AKT1S1: variants seen among roughly 807,000 people sequenced by gnomAD.
The protein encoded by AKT1S1 is AKT1 substrate 1, also known as proline-rich AKT1 substrate 1.
AKT1S1 carries 17 observed loss-of-function variants against 21.2 expected under a neutral mutation model. That is an observed-to-expected ratio of 0.80 (90% confidence interval 0.55 to 1.20). AKT1S1 has a LOEUF of 1.20. Among genes scored for constraint, AKT1S1 ranks in the 50% most tolerant of loss-of-function variants. The pLI is 0.00. For missense variants in AKT1S1, 366 were observed against 368.3 expected (o/e 0.99, Z 0.05); for synonymous variants, 181 against 165.6 (o/e 1.09, Z -0.72).
upstream of AKT1S1, chr19:49,878,013 T>C (rs946591021): frequency 1.2e-6 from 1 of 811,802 alleles, no homozygotes; most frequent in African/African-American, 1.8e-5. Flanking sequence ...TCTCCCCGCC[T>C]TGGTCCCGGG....
chr19:49,873,504 T>C lies in AKT1S1; in HGVS notation c.-7-202A>G. Reference sequence around the variant, plus strand: ...CTCGCAGGCCCAGACCCTGGCGACGTCCTCTGCCCCAACCCATTCCTCCTG... The same window carrying C: ...CTCGCAGGCCCAGACCCTGGCGACGCCCTCTGCCCCAACCCATTCCTCCTG... On this transcript the variant is annotated intron_variant, in intron 1 of 4. Transcript: ENST00000344175. This position sits in a 1 kb window ranked among gnomAD's most constrained non-coding sequence, Gnocchi z 6.9. 1.0e-6 allele frequency: 1 copy of C among 985,504 alleles called. No homozygotes were observed. Among genetic ancestry groups the C allele is most frequent in the Non-Finnish European group, 1.4e-6 (1 of 728,966 alleles). The allele number at this position is 985,504 out of a possible 1,614,324, so 61.0% of individuals were successfully genotyped here. A position where few individuals can be genotyped will look rare whatever the true frequency, so the allele number is the denominator to read the frequency against.
At chr19:49,874,853 G>GGGAGTCT (rs1302878820) in intron 1 of AKT1S1, 1 of 152,308 alleles carries the variant, frequency 6.6e-6, no homozygotes, top group Admixed American at 6.5e-5. Flanking sequence ...GAAGGGAGCA[G>GGGAGTCT]GGAGTCTGGA....
chr19:49,869,860 G>GCGGGGGCGTAGTGTGGGA lies in AKT1S1; in HGVS notation c.*39_*56dup. 2 of 1,396,052 alleles carry GCGGGGGCGTAGTGTGGGA rather than the reference G, an allele frequency of 1.4e-6. No homozygotes were observed. The highest frequency in any genetic ancestry group is 1.9e-6 in the Non-Finnish European group (2 of 1,057,878). 86.5% of individuals were successfully genotyped at this position (1,396,052 alleles called of 1,614,324 possible). Reference sequence around the variant, plus strand: ...CAGATTAGCAGGCCCCGGGAGTGGGGCGGGGGCGTAGTGTGGGACGGGGCG... The same window carrying GCGGGGGCGTAGTGTGGGA: ...CAGATTAGCAGGCCCCGGGAGTGGGGCGGGGGCGTAGTGTGGGACGGGGGCGTAGTGTGGGACGGGGCG... On this transcript the variant is annotated 3_prime_UTR_variant, in exon 5 of 5. Transcript: ENST00000344175.
Position 49,873,324 on chromosome 19 carries a change from AG to A in AKT1S1, c.-7-23del. 1 of 1,424,948 alleles carries A rather than the reference AG, an allele frequency of 7.0e-7. No homozygotes were observed. The allele number at this position is 1,424,948 out of a possible 1,614,324, so 88.3% of individuals were successfully genotyped here. A position where few individuals can be genotyped will look rare whatever the true frequency, so the allele number is the denominator to read the frequency against. ...CGCCCTGCGGGCCAGAGCAGGACAG[AG>A]GGGGCTGAGGCTTGGCGGCCTACAT... On this transcript the variant is annotated intron_variant, in intron 1 of 4. Coordinates refer to ENST00000344175, the MANE Select transcript of AKT1S1 (RefSeq NM_001098633.4). The surrounding 1 kb of genome is among the most constrained non-coding windows in gnomAD (Gnocchi z 6.9).
At chr19:49,876,174 C>G (rs747338734) in intron 1 of AKT1S1, 90 of 1,007,080 alleles carry the variant, frequency 8.9e-5, no homozygotes, top group Non-Finnish European at 1.0e-4. Context: ...TGGGGCCACG[C>G]TCAGCTGCCC....
At chr19:49,870,783 C>T (rs2074875039) in intron 4 of AKT1S1, among the ~76,000 whole-genome samples, 1 of 152,210 alleles carries the variant, frequency 6.6e-6, no homozygotes, top group Non-Finnish European at 1.5e-5. Context: ...ACTGTGTTGC[C>T]ATGAGTCGCA....
chr19:49,872,827 C>T, intron 2 of AKT1S1, 90 bp downstream of exon 2: 5 of 1,436,808 alleles, frequency 3.5e-6, no homozygotes, highest in Non-Finnish European at 4.7e-6. Flanking sequence ...TGTAGAAGTA[C>T]TCTGGGCTAA....
At chr19:49,875,605 G>A (rs1312464777) in intron 1 of AKT1S1, among the ~76,000 whole-genome samples, 1 of 152,156 alleles carries the variant, frequency 6.6e-6, no homozygotes, top group Non-Finnish European at 1.5e-5. Flanking sequence ...TCACTTCCAC[G>A]GGCCTCCAGC....
chr19:49,875,785 G>A (rs2074933627), intron 1 of AKT1S1: 3 of 938,110 alleles, frequency 3.2e-6, no homozygotes, highest in South Asian at 9.9e-5. Flanking sequence ...AGGACAGGGC[G>A]ACTTCCACAG....
At chr19:49,877,036 C>A (rs924069583) in intron 1 of AKT1S1, 36 of 222,210 alleles carry the variant, frequency 1.6e-4, no homozygotes, top group African/African-American at 7.3e-4. Context: ...TGCTCCCATT[C>A]GGCACGAAGG....
At chr19:49,871,953 C>G in intron 2 of AKT1S1, 64 bp from the exon 3 acceptor site, 1 of 1,542,746 alleles carries the variant, frequency 6.5e-7, no homozygotes, top group Non-Finnish European at 8.9e-7. Flanking sequence ...ATGTGTCCTC[C>G]TCCTCAGCCA....
At position 49,871,870 on chromosome 19, in the gene AKT1S1, C is replaced by T. The variant is rs1347629259; in HGVS notation, c.399G>A (p.Glu133=). 1.2e-6 allele frequency: 2 copies of T among 1,613,074 alleles called. No homozygotes were observed. Among genetic ancestry groups the T allele is most frequent in the East Asian group, 2.2e-5 (1 of 44,870 alleles). The stretch of plus-strand genomic sequence containing the variant: ...GGGGAAGGTCCTGGAGGGTGGCGTC[C>T]TCATCCATCACAAAGAGCCCTGTGG... The part of the protein sequence containing the change: ...SDNGGLFVMD[E]DATLQDLPPF... Residue 133 remains glutamate, a synonymous_variant, in exon 3 of 5, where the codon GAG becomes GAA. Transcript: ENST00000344175.
At chr19:49,872,798 G>T in intron 2 of AKT1S1, 119 bp downstream of exon 2, 4 of 1,228,208 alleles carry the variant, frequency 3.3e-6, no homozygotes, top group Non-Finnish European at 4.5e-6. Context: ...CTGGCTCTGG[G>T]GTCCTGAGAC....
In AKT1S1 at chr19:49,873,391, GCACT is replaced by G. The variant is rs1170701042; in HGVS notation, c.-7-93_-7-90del. On this transcript the variant is annotated intron_variant, in intron 1 of 4. Transcript: ENST00000344175. This position sits in a 1 kb window ranked among gnomAD's most constrained non-coding sequence, Gnocchi z 6.9. ...AGAGTGCCCGCCCGTCCCCTGGATG[GCACT>G]CACCACCCTCCACCCACCTTGTCCC... 7.3e-7 allele frequency: 1 copy of G among 1,368,614 alleles called. No individual in the cohort carries two copies. The allele number at this position is 1,368,614 out of a possible 1,614,324, so 84.8% of individuals were successfully genotyped here. A position where few individuals can be genotyped will look rare whatever the true frequency, so the allele number is the denominator to read the frequency against.
chr19:49,876,065 G>A (rs2074938455), intron 1 of AKT1S1: 2 of 985,716 alleles, frequency 2.0e-6, no homozygotes, highest in Non-Finnish European at 1.2e-6. Context: ...AGCTAAGGAG[G>A]AGAGGGGTGG....
At chr19:49,876,325 TCC>T (rs965987684) in intron 1 of AKT1S1, 1 of 1,121,908 alleles carries the variant, frequency 8.9e-7, no homozygotes, top group Non-Finnish European at 1.1e-6. Flanking sequence ...CCCCAAACCA[TCC>T]CCCGACCCCG....
At chr19:49,877,903 G>A (rs1412416086), upstream of AKT1S1, 4 of 928,346 alleles carry the variant, frequency 4.3e-6, no homozygotes, top group Non-Finnish European at 6.4e-6. Context: ...CACCGCCCCA[G>A]GGAAGAACCT....
At position 49,869,944 on chromosome 19, in the gene AKT1S1, G is replaced by T; in HGVS notation, c.744C>A (p.Asp248Glu). 1 of 1,528,332 alleles carries T rather than the reference G, an allele frequency of 6.5e-7. No homozygotes were observed. Among genetic ancestry groups the T allele is most frequent in the Non-Finnish European group, 8.8e-7 (1 of 1,130,534 alleles). 94.7% of individuals were successfully genotyped at this position (1,528,332 alleles called of 1,614,324 possible). A position where few individuals can be genotyped will look rare whatever the true frequency, so the allele number is the denominator to read the frequency against. ...AATATTTCCGCTTCAGCTTCTGGAAGTCGCTGGTGTTAAGCCGCGGCCGTG... is the reference window on the plus strand; with the variant it reads ...AATATTTCCGCTTCAGCTTCTGGAATTCGCTGGTGTTAAGCCGCGGCCGTG... ...DLPRPRLNTS[D>E]FQKLKRKY Residue 248 changes from aspartate (D) to glutamate (E), a missense_variant, in exon 5 of 5, where the codon GAC becomes GAA. By Grantham distance (45) the Asp-to-Glu change is conservative. Coordinates refer to ENST00000344175, the MANE Select transcript of AKT1S1 (RefSeq NM_001098633.4).
chr19:49,878,020 CG>C, upstream of AKT1S1: 1 of 853,262 alleles, frequency 1.2e-6, no homozygotes. Flanking sequence ...GCCTTGGTCC[CG>C]GGGCAATGGC....
Sources: gnomAD v4.1 joint callset for allele counts (sites outside exome capture counted in the v4.1 genomes callset) on GRCh38, gnomAD v4.1.1 for gene constraint, Gnocchi (gnomAD v3.1) non-coding constraint, MANE v1.5 for transcripts, NCBI Gene and HGNC (gene_info 2026-07-23, HGNC 2026-07-21) for gene names.